MFSD6: variants seen among roughly 807,000 people sequenced by gnomAD.
MFSD6 encodes the protein major facilitator superfamily domain-containing protein 6.
A neutral mutation model predicts 56.3 loss-of-function variants in MFSD6; 26 were observed. The ratio of observed to expected loss-of-function variants is 0.46; its 90% confidence interval spans 0.34 to 0.64. The LOEUF (loss-of-function observed/expected upper bound fraction) is 0.64, where lower values mean the gene tolerates loss of function less well. Among genes scored for constraint, MFSD6 ranks in the 30% least tolerant of loss-of-function variants. The pLI is 0.01. For missense variants in MFSD6, 750 were observed against 986.2 expected (o/e 0.76, Z 3.21); for synonymous variants, 331 against 366.9 (o/e 0.90, Z 1.12).
At position 190,423,435 on chromosome 2, in the gene MFSD6, T is replaced by G. The variant is rs956843330; in HGVS notation, c.-54+8022T>G. ...TTTCATTCTATAATTATCTGGAAAT[T>G]TATCCAGTTTATTGCATGTATCAAT... On this transcript the variant is annotated intron_variant, in intron 2 of 7. Coordinates refer to ENST00000392328, the MANE Select transcript of MFSD6 (RefSeq NM_017694.4). This position sits in a 1 kb window ranked among gnomAD's most constrained non-coding sequence, Gnocchi z 4.3. 2.0e-5 allele frequency among the ~76,000 whole-genome samples: 3 copies of G among 152,236 alleles called. No homozygotes were observed. The highest frequency in any genetic ancestry group is 4.4e-5 in the Non-Finnish European group (3 of 68,044).
rs942312677 is a variant in MFSD6, at chr2:190,431,279, C to T, written c.-53-4698C>T. Among the ~76,000 whole-genome samples the T allele has an allele frequency of 5.7e-4, 86 of 152,050 alleles. 2 individuals are homozygous for T. The highest frequency in any genetic ancestry group is 2.1e-4 in the South Asian group (1 of 4,814). On this transcript the variant is annotated intron_variant, in intron 2 of 7. Coordinates refer to ENST00000392328, the MANE Select transcript of MFSD6 (RefSeq NM_017694.4). This position sits in a 1 kb window ranked among gnomAD's most constrained non-coding sequence, Gnocchi z 4.4. ...CAGAGGATGGGCGGCCAGGCAGAGA[C>T]GCTCCTCACTTCCCAGACGGGGTGG...
At chr2:190,411,720 C>G in intron 1 of MFSD6, 2 of 985,370 alleles carry the variant, frequency 2.0e-6, no homozygotes, top group Non-Finnish European at 2.4e-6. Flanking sequence ...TGAAAGGTGG[C>G]ATACTGAGAA....
chr2:190,435,218 T>A (rs556426776), intron 2 of MFSD6: 110 of 152,358 alleles, frequency 7.2e-4, no homozygotes, highest in African/African-American at 2.5e-3. Flanking sequence ...AAACCTGCCA[T>A]GCCTCATTCT....
At position 190,487,831 on chromosome 2, in the gene MFSD6, GT is replaced by G. The variant is rs1689100699; in HGVS notation, c.1631-824del. Among the ~76,000 whole-genome samples, 2 of 152,188 alleles carry G rather than the reference GT, an allele frequency of 1.3e-5. No homozygotes were observed. Among genetic ancestry groups the G allele is most frequent in the Admixed American group, 1.3e-4 (2 of 15,282 alleles). On this transcript the variant is annotated intron_variant, in intron 4 of 7. Transcript: ENST00000392328. This position sits in a 1 kb window ranked among gnomAD's most constrained non-coding sequence, Gnocchi z 5.5. ...GTACAGCTACTTTGGAAAAAAGGTAGTTCCTCAAAGTGTTAAACATATAGTG... is the reference window on the plus strand; with the variant it reads ...GTACAGCTACTTTGGAAAAAAGGTAGTCCTCAAAGTGTTAAACATATAGTG...
At position 190,434,738 on chromosome 2, in the gene MFSD6, CTG is replaced by C. The variant is rs1686120875; in HGVS notation, c.-53-1237_-53-1236del. ...TGAGCCACCGCGCCCGGCCAAAACA[CTG>C]TTTTTCAAAAAAGTTTACTGGCATC... is the stretch of plus-strand genomic sequence containing the variant. On this transcript the variant is annotated intron_variant, in intron 2 of 7. Transcript: ENST00000392328. The surrounding 1 kb of genome is among the most constrained non-coding windows in gnomAD (Gnocchi z 4.3). Among the ~76,000 whole-genome samples, 1 of 152,152 alleles carries C rather than the reference CTG, an allele frequency of 6.6e-6. No homozygotes were observed. Among genetic ancestry groups the C allele is most frequent in the Admixed American group, 6.5e-5 (1 of 15,272 alleles).
chr2:190,411,157 A>G (rs1239228370), intron 1 of MFSD6: 5 of 752,446 alleles, frequency 6.6e-6, no homozygotes, highest in Non-Finnish European at 6.4e-6. Flanking sequence ...AACTGTTGAC[A>G]GTAGTTTTTT....
Position 190,436,393 on chromosome 2 carries a change from G to A in MFSD6, c.364G>A (p.Gly122Ser). Residue 122 changes from glycine (G) to serine (S), a missense_variant, in exon 3 of 8, where the codon GGT becomes AGT. Transcript: ENST00000392328. This position sits in a 1 kb window ranked among gnomAD's most constrained non-coding sequence, Gnocchi z 5.3. ...TGAATTCTGCAGTGCCCCCTTTTGG[G>A]GTGTAGTTGCAGACCGCTTTAAAAA... ...FIEFCSAPFWGVVADRFKKGK... is the reference protein window; with the variant it reads ...FIEFCSAPFWSVVADRFKKGK... The A allele has an allele frequency of 6.2e-7, 1 of 1,614,068 alleles. No homozygotes were observed.
In MFSD6 at chr2:190,498,400, T is replaced by C. The variant is rs1369036298; in HGVS notation, c.2172+681T>C. ...TTTATTTGATAAGTCACGTCAGCTT[T>C]GTCTGGAGTAGCTTCAGAGGACACA... On this transcript the variant is annotated intron_variant, in intron 7 of 7. Coordinates refer to ENST00000392328, the MANE Select transcript of MFSD6 (RefSeq NM_017694.4). The surrounding 1 kb of genome is among the most constrained non-coding windows in gnomAD (Gnocchi z 5.9). 6.6e-6 allele frequency among the ~76,000 whole-genome samples: 1 copy of C among 152,210 alleles called. No individual in the cohort carries two copies. The highest frequency in any genetic ancestry group is 2.4e-5 in the African/African-American group (1 of 41,460).
chr2:190,481,288 T>A (rs576748618), intron 4 of MFSD6, among the ~76,000 whole-genome samples: 77 of 152,372 alleles, frequency 5.1e-4, no homozygotes, highest in African/African-American at 1.5e-3. Flanking sequence ...AGACTTTTTT[T>A]AAGCAACTCA....
At chr2:190,427,717 A>G (rs954956334) in intron 2 of MFSD6, among the ~76,000 whole-genome samples, 2 of 146,820 alleles carry the variant, frequency 1.4e-5, no homozygotes, top group South Asian at 4.2e-4. Flanking sequence ...CTTGGAAAAG[A>G]AGTCTACCAC....
chr2:190,431,476 G>T lies in MFSD6; in HGVS notation c.-53-4501G>T, dbSNP rs1685996350. On this transcript the variant is annotated intron_variant, in intron 2 of 7. Coordinates refer to ENST00000392328, the MANE Select transcript of MFSD6 (RefSeq NM_017694.4). The surrounding 1 kb of genome is among the most constrained non-coding windows in gnomAD (Gnocchi z 4.4). ...CCGGCACCTCTGGAGGCCGAGGCTG[G>T]CGGATCACTCGCGATTAGGAGCTGG... Among the ~76,000 whole-genome samples the T allele has an allele frequency of 6.6e-6, 1 of 152,242 alleles. No individual in the cohort carries two copies. The highest frequency in any genetic ancestry group is 2.4e-5 in the African/African-American group (1 of 41,462).
rs1690862563 is a variant in MFSD6, at chr2:190,418,095, A to T, written c.-54+2682A>T. The stretch of plus-strand genomic sequence containing the variant: ...ACCTAACTTTTGGGATCCCTGTCTC[A>T]TAGCTGCACAGTGCATTGAGAGTCA... On this transcript the variant is annotated intron_variant, in intron 2 of 7. Transcript: ENST00000392328. The surrounding 1 kb of genome is among the most constrained non-coding windows in gnomAD (Gnocchi z 4.1). Among the ~76,000 whole-genome samples, 1 of 151,930 alleles carries T rather than the reference A, an allele frequency of 6.6e-6. No homozygotes were observed. The highest frequency in any genetic ancestry group is 1.9e-4 in the East Asian group (1 of 5,184).
rs1690878302 is a variant in MFSD6, at chr2:190,418,414, A to G, written c.-54+3001A>G. Among the ~76,000 whole-genome samples the G allele has an allele frequency of 6.6e-6, 1 of 152,176 alleles. No homozygotes were observed. The highest frequency in any genetic ancestry group is 1.5e-5 in the Non-Finnish European group (1 of 68,030). ...ACCAAGGTTGTGAATCAGCTTGCTT[A>G]TGATCTAGCAGTCAGGTTTTACTAG... On this transcript the variant is annotated intron_variant, in intron 2 of 7. Transcript: ENST00000392328. The surrounding 1 kb of genome is among the most constrained non-coding windows in gnomAD (Gnocchi z 4.1).
chr2:190,489,882 C>T lies in MFSD6; in HGVS notation c.1891+16C>T. Reference sequence around the variant, plus strand: ...GAGGAAGAAGGTAATTATTTCCATTCTTTCTTAATATTCCTAACAGTTCAG... The same window carrying T: ...GAGGAAGAAGGTAATTATTTCCATTTTTTCTTAATATTCCTAACAGTTCAG... On this transcript the variant is annotated intron_variant, in intron 6 of 7. Coordinates refer to ENST00000392328, the MANE Select transcript of MFSD6 (RefSeq NM_017694.4). This position sits in a 1 kb window ranked among gnomAD's most constrained non-coding sequence, Gnocchi z 6.6. The T allele has an allele frequency of 6.2e-7, 1 of 1,607,600 alleles. No homozygotes were observed.
chr2:190,412,426 G>C lies in MFSD6; in HGVS notation c.-175-2866G>C. On this transcript the variant is annotated intron_variant, in intron 1 of 7. Transcript: ENST00000392328. The surrounding 1 kb of genome is among the most constrained non-coding windows in gnomAD (Gnocchi z 4.1). Reference sequence around the variant, plus strand: ...TCCATCTTTTAATTTAGGAAACTTTGTTCAATAGGTTATCTTTAAAGGCAG... The same window carrying C: ...TCCATCTTTTAATTTAGGAAACTTTCTTCAATAGGTTATCTTTAAAGGCAG... 1.0e-5 allele frequency: 10 copies of C among 985,296 alleles called. No homozygotes were observed. Among genetic ancestry groups the C allele is most frequent in the Non-Finnish European group, 1.2e-5 (10 of 829,872 alleles). 61.0% of individuals were successfully genotyped at this position (985,296 alleles called of 1,614,324 possible). A position where few individuals can be genotyped will look rare whatever the true frequency, so the allele number is the denominator to read the frequency against.
chr2:190,468,186 G>A (rs911722592), intron 3 of MFSD6, among the ~76,000 whole-genome samples: 10 of 152,024 alleles, frequency 6.6e-5, no homozygotes, highest in South Asian at 4.1e-4. Context: ...AGATTGAAAC[G>A]TACTTTTCTC....
At position 190,461,050 on chromosome 2, in the gene MFSD6, A is replaced by G. The variant is rs1371372553; in HGVS notation, c.1533-8708A>G. Among the ~76,000 whole-genome samples the G allele has an allele frequency of 2.0e-5, 3 of 152,178 alleles. No homozygotes were observed. On this transcript the variant is annotated intron_variant, in intron 3 of 7. Transcript: ENST00000392328. This position sits in a 1 kb window ranked among gnomAD's most constrained non-coding sequence, Gnocchi z 5.5. ...CAACACTATTTCCTATGTCTTTCTT[A>G]ACTCTTTGGACAACTAGATGGTTTA...
At chr2:190,470,789 CAG>C (rs1321585320) in intron 4 of MFSD6, among the ~76,000 whole-genome samples, 1 of 152,032 alleles carries the variant, frequency 6.6e-6, no homozygotes, top group African/African-American at 2.4e-5. Flanking sequence ...TACATCTAAA[CAG>C]AATGTACAAA....
At position 190,458,163 on chromosome 2, in the gene MFSD6, C is replaced by T. The variant is rs748148336; in HGVS notation, c.1533-11595C>T. On this transcript the variant is annotated intron_variant, in intron 3 of 7. Transcript: ENST00000392328. The surrounding 1 kb of genome is among the most constrained non-coding windows in gnomAD (Gnocchi z 5.3). ...TTGATGTTGGAGTTGTAAGTGACCT[C>T]GAAGGGCATTTTAATGGGCTGAATT... Among the ~76,000 whole-genome samples, 13 of 152,110 alleles carry T rather than the reference C, an allele frequency of 8.5e-5. No individual in the cohort carries two copies. The highest frequency in any genetic ancestry group is 2.9e-4 in the African/African-American group (12 of 41,422).
Sources: gnomAD v4.1 joint callset for allele counts (sites outside exome capture counted in the v4.1 genomes callset) on GRCh38, gnomAD v4.1.1 for gene constraint, Gnocchi (gnomAD v3.1) non-coding constraint, MANE v1.5 for transcripts, NCBI Gene and HGNC (gene_info 2026-07-23, HGNC 2026-07-21) for gene names.